STAB2: variants seen among roughly 807,000 people sequenced by gnomAD.
STAB2 encodes stabilin 2, also known as stabilin-2.
STAB2 carries 288 observed loss-of-function variants against 338.1 expected under a neutral mutation model. That is an observed-to-expected ratio of 0.85 (90% CI 0.77 to 0.94). The LOEUF is 0.94. STAB2 is among the 40% of genes least tolerant of loss of function. STAB2 has a pLI of 0.00. For synonymous variants in STAB2, 1,202 were observed against 1,193.3 expected, an observed-to-expected ratio of 1.01 and a Z score of -0.15; for missense variants, 3,141 against 3,210.1, an observed-to-expected ratio of 0.98 and a Z score of 0.52.
chr12:103,759,833 C>T (rs1259775319), intron 65 of STAB2, among the ~76,000 whole-genome samples: 1 of 152,210 alleles, frequency 6.6e-6, no homozygotes, highest in East Asian at 1.9e-4. Context: ...GAGAAGCATA[C>T]ACATTTTATT....
chr12:103,690,582 T>TG, intron 30 of STAB2, 44 bp downstream of exon 30: 2 of 1,528,282 alleles, frequency 1.3e-6, no homozygotes, highest in Non-Finnish European at 1.8e-6. Context: ...ACATAACAGC[T>TG]TTGTTTATAT....
In STAB2 at chr12:103,623,526, G is replaced by A. The variant is rs572088701; in HGVS notation, c.487+1415G>A. 5.0e-4 allele frequency among the ~76,000 whole-genome samples: 76 copies of A among 152,190 alleles called. 1 individual carries two copies. The South Asian group carries it at 0.012, about 25-fold the overall frequency. The stretch of plus-strand genomic sequence containing the variant: ...ACGAAATATGAGAAAGACTCGATCC[G>A]CCAATTTCTGGCTTTGAAGAAGGAA... On this transcript the variant is annotated intron_variant, in intron 5 of 68. Transcript: ENST00000388887.
chr12:103,730,213 A>G lies in STAB2; in HGVS notation c.5180A>G (p.Lys1727Arg), dbSNP rs1314305640. The G allele has an allele frequency of 1.2e-6, 2 of 1,613,718 alleles. No homozygotes were observed. The highest frequency in any genetic ancestry group is 1.1e-5 in the South Asian group (1 of 91,066). The part of the protein sequence containing the change: ...VHIIDKLLSP[K>R]NLLITPKDNS... ...ATCATAGACAAATTGCTATCTCCCA[A>G]AAATTTGCTTATCACTCCCAAAGAC... is the stretch of plus-strand genomic sequence containing the variant. Residue 1727 changes from lysine to arginine, a missense_variant, in exon 49 of 69, where the codon AAA becomes AGA. Transcript: ENST00000388887.
rs139260818 is a variant in STAB2 at position 103,594,475 on chromosome 12, G to A, written c.296G>A (p.Arg99Gln). 5 of 1,613,832 alleles carry A rather than the reference G, an allele frequency of 3.1e-6. No homozygotes were observed. The highest frequency in any genetic ancestry group is 1.3e-5 in the African/African-American group (1 of 74,902). The stretch of plus-strand genomic sequence containing the variant: ...TGTAGGAAGGACTATCTCCAACCTC[G>A]GTGTTGTCCTGGCCGCTGGGGCCCA... ...HICRKDYLQPRCCPGRWGPDC... is the reference protein window; with the variant it reads ...HICRKDYLQPQCCPGRWGPDC... The change falls in exon 3 of 69, where the codon CGG becomes CAG. Residue 99 changes from arginine (R) to glutamine (Q), a missense_variant. Arg to Gln is a conservative substitution (Grantham distance 43, BLOSUM62 1). Coordinates refer to ENST00000388887, the MANE Select transcript of STAB2 (RefSeq NM_017564.10).
chr12:103,720,498 T>C (rs1880678912), intron 44 of STAB2, among the ~76,000 whole-genome samples: 1 of 152,256 alleles, frequency 6.6e-6, no homozygotes. Flanking sequence ...CCTGACATTT[T>C]AAAAGATATG....
chr12:103,751,408 T>C (rs189886712), intron 60 of STAB2, among the ~76,000 whole-genome samples: 52 of 152,098 alleles, frequency 3.4e-4, no homozygotes, highest in African/African-American at 1.2e-3. Context: ...GAACTAACAA[T>C]GGACACAGAA....
At position 103,766,624 on chromosome 12, in the gene STAB2, T is replaced by TGTTA; in HGVS notation, c.*290_*293dup. ...ATGGGTAACTGTGATCTTTCTTCCCTGTTAGATTGTAAGCCTCCGTCTTTG... is the reference window on the plus strand; with the variant it reads ...ATGGGTAACTGTGATCTTTCTTCCCTGTTAGTTAGATTGTAAGCCTCCGTCTTTG... On this transcript the variant is annotated 3_prime_UTR_variant, in exon 69 of 69. Coordinates refer to ENST00000388887, the MANE Select transcript of STAB2 (RefSeq NM_017564.10). 2.8e-6 allele frequency: 1 copy of TGTTA among 353,212 alleles called. No homozygotes were observed. The highest frequency in any genetic ancestry group is 3.4e-5 in the South Asian group (1 of 29,228). The allele number at this position is 353,212 out of a possible 1,614,324, so 21.9% of individuals were successfully genotyped here. A position where few individuals can be genotyped will look rare whatever the true frequency, so the allele number is the denominator to read the frequency against.
intron 46 of STAB2, among the ~76,000 whole-genome samples, chr12:103,726,710 C>T (rs982685957): frequency 1.3e-5 from 2 of 151,972 alleles, no homozygotes; most frequent in African/African-American, 4.8e-5. Context: ...TCTTTCTGCA[C>T]ATCATACATC....
At chr12:103,670,137 G>A (rs926806465) in intron 21 of STAB2, among the ~76,000 whole-genome samples, 6 of 151,526 alleles carry the variant, frequency 4.0e-5, no homozygotes, top group South Asian at 2.1e-4. Flanking sequence ...CCTCTAAAAC[G>A]TGGCTTTTTC....
chr12:103,686,040 G>C (rs995975201), intron 27 of STAB2, among the ~76,000 whole-genome samples: 2 of 152,060 alleles, frequency 1.3e-5, no homozygotes, highest in African/African-American at 2.4e-5. Flanking sequence ...ATAAACTCTT[G>C]AAAGATGATC....
intron 5 of STAB2, among the ~76,000 whole-genome samples, chr12:103,631,016 C>A (rs1258447628): frequency 1.3e-5 from 2 of 152,218 alleles, no homozygotes; most frequent in Non-Finnish European, 2.9e-5. Context: ...TACAAACCAA[C>A]CACAAACTAA....
rs1224890061 is a variant in STAB2 at position 103,695,622 on chromosome 12, T to C, written c.3448T>C (p.Tyr1150His). 6.2e-7 allele frequency: 1 copy of C among 1,614,126 alleles called. No homozygotes were observed. The highest frequency in any genetic ancestry group is 8.5e-7 in the Non-Finnish European group (1 of 1,180,038). ...LLMRLEQMPD[Y>H]SIFRGYIIQY... is the part of the protein sequence containing the mutation. The stretch of plus-strand genomic sequence containing the variant: ...CATGCGGCTGGAACAGATGCCTGAC[T>C]ATTCCATCTTCCGGGGCTACATCAT... The change falls in exon 32 of 69, where the codon TAT (tyrosine) becomes CAT (histidine). Residue 1150 changes from tyrosine (Y) to histidine (H), a missense_variant. Transcript: ENST00000388887.
chr12:103,653,628 ATGGATGGATG>A (rs1873919878), intron 12 of STAB2, among the ~76,000 whole-genome samples: 1 of 149,790 alleles, frequency 6.7e-6, no homozygotes, highest in Non-Finnish European at 1.5e-5. Context: ...GGATGGATGG[ATGGATGGATG>A]GATACATGGA....
At chr12:103,669,131 AG>A (rs1484372512) in intron 20 of STAB2, 1 of 248,550 alleles carries the variant, frequency 4.0e-6, no homozygotes, top group East Asian at 8.9e-5. Context: ...ACCAATCTGC[AG>A]TGGCCTCCCT....
chr12:103,741,842 T>G (rs1301982141), intron 55 of STAB2, among the ~76,000 whole-genome samples: 1 of 152,204 alleles, frequency 6.6e-6, no homozygotes, highest in East Asian at 1.9e-4. Context: ...CTTCAGCAGC[T>G]GTGATTTTTA....
intron 10 of STAB2, among the ~76,000 whole-genome samples, chr12:103,649,393 A>G (rs1343597244): frequency 6.6e-6 from 1 of 152,150 alleles, no homozygotes; most frequent in Non-Finnish European, 1.5e-5. Flanking sequence ...ACCCTCATGT[A>G]TTTGCAAATG....
intron 2 of STAB2, 39 bp downstream of exon 2, chr12:103,591,069 C>T: frequency 6.2e-7 from 1 of 1,610,186 alleles, no homozygotes; most frequent in Non-Finnish European, 8.5e-7. Flanking sequence ...ACTATGAATC[C>T]AACTTGAAGC....
At chr12:103,735,601 TGG>T in intron 52 of STAB2, 21 bp downstream of exon 52, 1 of 494,202 alleles carries the variant, frequency 2.0e-6, no homozygotes, top group Non-Finnish European at 3.9e-6. Context: ...TCATGAAGGG[TGG>T]GCAGGGAGGG....
Position 103,742,546 on chromosome 12 carries a change from A to C in STAB2, c.6023A>C (p.Asp2008Ala). 1 of 1,613,906 alleles carries C rather than the reference A, an allele frequency of 6.2e-7. No homozygotes were observed. Among genetic ancestry groups the C allele is most frequent in the Non-Finnish European group, 8.5e-7 (1 of 1,179,990 alleles). Residue 2008 changes from aspartate (D) to alanine (A), a missense_variant, in exon 56 of 69, where the codon GAT becomes GCT. Physicochemically the swap from Asp to Ala is moderately radical, Grantham distance 126 (BLOSUM62 -2). Transcript: ENST00000388887. Reference sequence around the variant, plus strand: ...TGCTGGCCGGGGAGATTCGGGCCTGATTGTCTGCGTATGTGGCGCCGCTTC... The same window carrying C: ...TGCTGGCCGGGGAGATTCGGGCCTGCTTGTCTGCGTATGTGGCGCCGCTTC... The part of the protein sequence containing the change: ...EMCWPGRFGP[D>A]CLPCGCSDHG...
Sources: allele counts gnomAD v4.1 joint callset (sites outside exome capture counted in the v4.1 genomes callset), GRCh38; gene constraint gnomAD v4.1.1; transcripts MANE v1.5; gene names NCBI Gene and HGNC (gene_info 2026-07-23, HGNC 2026-07-21).